The following KIF2A variants were observed in gnomAD, a reference collection of about 807,000 sequenced individuals.
The protein encoded by KIF2A is kinesin-like protein KIF2A.
In KIF2A, 22 loss-of-function variants were observed where a neutral mutation model predicts 100.2. The observed-to-expected ratio is 0.22, with a 90% CI of 0.16 to 0.31. The LOEUF (loss-of-function observed/expected upper bound fraction) is 0.31. KIF2A is among the 10% of genes least tolerant of loss of function. The pLI is 1.00. For synonymous variants in KIF2A, 268 were observed against 285.9 expected (o/e 0.94, Z 0.63); for missense variants, 495 against 898.7 (o/e 0.55, Z 5.74).
At chr5:62,383,531 C>T (rs1253519798) in intron 20 of KIF2A, among the ~76,000 whole-genome samples, 1 of 152,146 alleles carries the variant, frequency 6.6e-6, no homozygotes, top group Non-Finnish European at 1.5e-5. Flanking sequence ...GCATGAGCCA[C>T]CACGCCCGGC....
intron 1 of KIF2A, among the ~76,000 whole-genome samples, chr5:62,326,186 G>C (rs1187040925): frequency 2.0e-5 from 3 of 152,002 alleles, no homozygotes; most frequent in Admixed American, 2.0e-4. Context: ...CTACTTTTTA[G>C]GTACTATCCC....
intron 15 of KIF2A, among the ~76,000 whole-genome samples, chr5:62,365,995 T>C (rs770721414): frequency 2.0e-5 from 3 of 152,150 alleles, no homozygotes; most frequent in Non-Finnish European, 2.9e-5. Context: ...CCAGCTGCTA[T>C]GAACTCCACT....
intron 12 of KIF2A, 142 bp from the exon 13 acceptor site, chr5:62,363,036 C>T: frequency 1.7e-6 from 1 of 586,732 alleles, no homozygotes; most frequent in Non-Finnish European, 2.9e-6. Context: ...CTATGTTGCC[C>T]AGGCTGGTTT....
intron 1 of KIF2A, among the ~76,000 whole-genome samples, chr5:62,341,345 A>C (rs531355415): frequency 6.6e-6 from 1 of 152,084 alleles, no homozygotes; most frequent in South Asian, 2.1e-4. Context: ...CTCTTGCCCA[A>C]GCTGGAGTGC....
chr5:62,369,815 T>TGG (rs1741238974), intron 16 of KIF2A, among the ~76,000 whole-genome samples: 1 of 152,208 alleles, frequency 6.6e-6, no homozygotes, highest in Non-Finnish European at 1.5e-5. Flanking sequence ...ATTTCTGTCT[T>TGG]AAGTGTTTAA....
chr5:62,315,089 A>G (rs1478483297), intron 1 of KIF2A, among the ~76,000 whole-genome samples: 1 of 151,834 alleles, frequency 6.6e-6, no homozygotes, highest in Non-Finnish European at 1.5e-5. Flanking sequence ...ACCGCAACCC[A>G]TCACAGGGTC....
At chr5:62,336,612 G>C (rs1158768825) in intron 1 of KIF2A, among the ~76,000 whole-genome samples, 2 of 152,280 alleles carry the variant, frequency 1.3e-5, no homozygotes, top group African/African-American at 4.8e-5. Flanking sequence ...AAAACTACAT[G>C]TAAAAACTTG....
chr5:62,324,851 A>G (rs2111823029), intron 1 of KIF2A, among the ~76,000 whole-genome samples: 1 of 151,978 alleles, frequency 6.6e-6, no homozygotes, highest in South Asian at 2.1e-4. Flanking sequence ...AAAGAAAAAA[A>G]ATGACAAATA....
At chr5:62,361,899 C>T (rs925844564) in intron 11 of KIF2A, among the ~76,000 whole-genome samples, 8 of 151,456 alleles carry the variant, frequency 5.3e-5, no homozygotes, top group Non-Finnish European at 7.4e-5. Flanking sequence ...TGGTGGCGGG[C>T]GCCTGTAATC....
chr5:62,319,189 A>AC lies in KIF2A; in HGVS notation c.64+12653_64+12654insC, dbSNP rs56780861. Among the ~76,000 whole-genome samples, 753 of 148,928 alleles carry AC rather than the reference A, an allele frequency of 5.1e-3. 4 individuals carry two copies. The highest frequency in any genetic ancestry group is 0.017 in the African/African-American group (700 of 40,646). On this transcript the variant is annotated intron_variant, in intron 1 of 20. Coordinates refer to ENST00000407818, the MANE Select transcript of KIF2A (RefSeq NM_001098511.3). Reference sequence around the variant, plus strand: ...AACAACAACAACAACAACAACAACAAAAAACCCAAAACAATAATTTGGTTA... The same window carrying AC: ...AACAACAACAACAACAACAACAACAACAAAACCCAAAACAATAATTTGGTTA...
chr5:62,308,534 A>ATG (rs942400006), intron 1 of KIF2A: 20 of 703,484 alleles, frequency 2.8e-5, no homozygotes, highest in Admixed American at 1.2e-4. Flanking sequence ...TAAAGAAATT[A>ATG]TGTGTGTGTG....
intron 19 of KIF2A, among the ~76,000 whole-genome samples, chr5:62,380,850 G>C (rs1741744607): frequency 6.6e-6 from 1 of 152,136 alleles, no homozygotes; most frequent in South Asian, 2.1e-4. Flanking sequence ...AGTGGAGGAG[G>C]TGGAAGGGAT....
chr5:62,366,263 T>C, intron 15 of KIF2A, 151 bp from the exon 16 acceptor site: 2 of 626,728 alleles, frequency 3.2e-6, no homozygotes, highest in Non-Finnish European at 5.7e-6. Context: ...ATAGATATGA[T>C]AACAAATAAT....
intron 1 of KIF2A, among the ~76,000 whole-genome samples, chr5:62,345,022 G>A (rs1339970895): frequency 6.6e-6 from 1 of 152,212 alleles, no homozygotes; most frequent in Non-Finnish European, 1.5e-5. Context: ...AAGGTGGGCA[G>A]ATCGCCTGAG....
chr5:62,390,738 C>T lies in KIF2A; in HGVS notation c.*5169C>T, dbSNP rs1742270410. On this transcript the variant is annotated 3_prime_UTR_variant, in exon 21 of 21. Transcript: ENST00000407818. ...TAGCCTCCATCTTCTACACCAAATA[C>T]TATTCCATGCCATGGAAGTGCTATG... 1.5e-6 allele frequency: 1 copy of T among 688,272 alleles called. No individual in the cohort carries two copies. The highest frequency in any genetic ancestry group is 1.8e-5 in the South Asian group (1 of 56,732). The allele number at this position is 688,272 out of a possible 1,614,324, so 42.6% of individuals were successfully genotyped here.
intron 20 of KIF2A, among the ~76,000 whole-genome samples, chr5:62,383,480 T>C (rs990957721): frequency 2.6e-5 from 4 of 151,674 alleles, no homozygotes; most frequent in Non-Finnish European, 5.9e-5. Context: ...CCTGACCTTG[T>C]GATCCGCCCA....
At chr5:62,385,378 G>A in intron 20 of KIF2A, 106 bp from the exon 21 acceptor site, 1 of 715,586 alleles carries the variant, frequency 1.4e-6, no homozygotes, top group South Asian at 1.9e-5. Flanking sequence ...AAAATACTGA[G>A]TTACTGTTAG....
chr5:62,351,497 TC>T (rs1747854945), intron 4 of KIF2A, among the ~76,000 whole-genome samples: 1 of 152,124 alleles, frequency 6.6e-6, no homozygotes, highest in Non-Finnish European at 1.5e-5. Flanking sequence ...GAATTTATTT[TC>T]TATTGTTAAG....
At chr5:62,319,034 A>G (rs1448825068) in intron 1 of KIF2A, among the ~76,000 whole-genome samples, 1 of 152,124 alleles carries the variant, frequency 6.6e-6, no homozygotes, top group African/African-American at 2.4e-5. Context: ...TTAATGACTC[A>G]AGTAACTCTT....
Sources: gnomAD v4.1 joint callset for allele counts (sites outside exome capture counted in the v4.1 genomes callset) on GRCh38, gnomAD v4.1.1 for gene constraint, MANE v1.5 for transcripts, NCBI Gene and HGNC (gene_info 2026-07-23, HGNC 2026-07-21) for gene names.